FAM185A: variants seen among roughly 807,000 people sequenced by gnomAD.
FAM185A encodes the protein protein FAM185A.
Under a neutral mutation model 45.7 loss-of-function variants are expected in FAM185A, and 21 were observed. That is an observed-to-expected ratio of 0.46 (90% confidence interval 0.33 to 0.66). The LOEUF (loss-of-function observed/expected upper bound fraction) is 0.66. Among genes scored for constraint, FAM185A ranks in the 30% least tolerant of loss-of-function variants. The pLI is 0.03. For synonymous variants in FAM185A, 117 were observed against 194.0 expected, an observed-to-expected ratio of 0.60 and a Z score of 3.30; for missense variants, 305 against 485.4, an observed-to-expected ratio of 0.63 and a Z score of 3.49.
chr7:102,796,636 T>C (rs1253991362), intron 7 of FAM185A, among the ~76,000 whole-genome samples: 3 of 152,226 alleles, frequency 2.0e-5, no homozygotes, highest in African/African-American at 4.8e-5. Flanking sequence ...TTCTCAGTTA[T>C]GATTTTTGCA....
the FAM185A span, chr7:102,822,451 G>T: frequency 1.6e-6 from 1 of 622,860 alleles, no homozygotes; most frequent in East Asian, 3.4e-5. Context: ...CTTCTCACAT[G>T]GCAGAGAGAG....
the FAM185A span, among the ~76,000 whole-genome samples, chr7:102,834,947 A>G: frequency 6.6e-6 from 1 of 151,938 alleles, no homozygotes; most frequent in Non-Finnish European, 1.5e-5. Context: ...CTTCATAAAT[A>G]TATACAATTT....
At chr7:102,796,558 CA>C (rs1473617067) in intron 7 of FAM185A, among the ~76,000 whole-genome samples, 4 of 152,150 alleles carry the variant, frequency 2.6e-5, no homozygotes, top group Non-Finnish European at 4.4e-5. Context: ...TAGAAATGAA[CA>C]AGGACAGCTT....
chr7:102,834,084 A>AAGGAAGGAAGGAAG, the FAM185A span, among the ~76,000 whole-genome samples: 38 of 101,138 alleles, frequency 3.8e-4, 2 homozygotes, highest in South Asian at 1.3e-3. Context: ...AAGGAAGGAA[A>AAGGAAGGAAGGAAG]GAAAAGAAAG....
chr7:102,831,431 A>ACACCCCCCC, the FAM185A span, among the ~76,000 whole-genome samples: 7 of 147,236 alleles, frequency 4.8e-5, no homozygotes, highest in African/African-American at 1.5e-4. Flanking sequence ...ACACACACAC[A>ACACCCCCCC]CCCCACTACA....
the FAM185A span, among the ~76,000 whole-genome samples, chr7:102,834,432 T>TTA: frequency 7.6e-6 from 1 of 132,346 alleles, no homozygotes; most frequent in Non-Finnish European, 1.5e-5. Flanking sequence ...ATATGTGTGA[T>TTA]TATATATATT....
the FAM185A span, among the ~76,000 whole-genome samples, chr7:102,815,085 T>C: frequency 1.3e-5 from 2 of 152,104 alleles, no homozygotes; most frequent in African/African-American, 4.8e-5. Flanking sequence ...GCACCATCAG[T>C]TTCATGTAAC....
the FAM185A span, among the ~76,000 whole-genome samples, chr7:102,829,462 G>T: frequency 6.6e-6 from 1 of 152,138 alleles, no homozygotes; most frequent in Non-Finnish European, 1.5e-5. Flanking sequence ...TTTTGTCATT[G>T]TTCAGGGCTT....
chr7:102,849,753 T>C, the FAM185A span, among the ~76,000 whole-genome samples: 2 of 152,072 alleles, frequency 1.3e-5, no homozygotes, highest in African/African-American at 4.8e-5. Flanking sequence ...AGGGGAAAGA[T>C]TACCACATGC....
intron 7 of FAM185A, among the ~76,000 whole-genome samples, chr7:102,793,354 G>A (rs1796252273): frequency 6.6e-6 from 1 of 152,124 alleles, no homozygotes; most frequent in African/African-American, 2.4e-5. Flanking sequence ...TGGGACTACA[G>A]GCGCCCGCCA....
the FAM185A span, among the ~76,000 whole-genome samples, chr7:102,823,993 GACA>G: frequency 6.6e-6 from 1 of 152,070 alleles, no homozygotes; most frequent in African/African-American, 2.4e-5. Context: ...AGAAAGGAAG[GACA>G]ACAAGGTGAT....
chr7:102,798,187 CAG>C (rs201601003), intron 7 of FAM185A, among the ~76,000 whole-genome samples: 2,251 of 152,286 alleles, frequency 0.015, 23 homozygotes, highest in Middle Eastern at 0.031. Context: ...GTCAAAGAAA[CAG>C]TGTGTGATTT....
chr7:102,817,637 A>G, the FAM185A span, among the ~76,000 whole-genome samples: 3 of 152,162 alleles, frequency 2.0e-5, no homozygotes, highest in East Asian at 1.9e-4. Context: ...TGTAGAAACT[A>G]TATTTCTGGG....
At chr7:102,825,121 C>T in the FAM185A span, among the ~76,000 whole-genome samples, 1 of 152,114 alleles carries the variant, frequency 6.6e-6, no homozygotes, top group Non-Finnish European at 1.5e-5. Flanking sequence ...TAAATACAGT[C>T]TTTTCCAAGT....
At chr7:102,829,219 C>A in the FAM185A span, among the ~76,000 whole-genome samples, 1 of 152,210 alleles carries the variant, frequency 6.6e-6, no homozygotes, top group East Asian at 1.9e-4. Flanking sequence ...GGGAAACAGG[C>A]CCTCCAGGAA....
chr7:102,800,467 C>T (rs12113759), intron 7 of FAM185A, among the ~76,000 whole-genome samples: 34,633 of 151,928 alleles, frequency 0.23, 4,658 homozygotes, highest in African/African-American at 0.37. Context: ...CAGAGAAAGA[C>T]GAAGCCCAAT....
At chr7:102,800,508 T>A (rs1584361602) in intron 7 of FAM185A, among the ~76,000 whole-genome samples, 2 of 151,622 alleles carry the variant, frequency 1.3e-5, no homozygotes, top group East Asian at 1.9e-4. Flanking sequence ...GTACAATAAG[T>A]GAAGGGAGAA....
At chr7:102,754,062 G>A (rs1793532697) in intron 2 of FAM185A, among the ~76,000 whole-genome samples, 1 of 152,092 alleles carries the variant, frequency 6.6e-6, no homozygotes, top group East Asian at 1.9e-4. Flanking sequence ...TCACAAATGA[G>A]AACACTTTGG....
At position 102,749,043 on chromosome 7, in the gene FAM185A, T is replaced by G. The variant is rs1471665938; in HGVS notation, c.-165T>G. The G allele has an allele frequency of 2.8e-6, 3 of 1,085,780 alleles. No individual in the cohort carries two copies. The highest frequency in any genetic ancestry group is 1.4e-6 in the Non-Finnish European group (1 of 730,108). The allele number at this position is 1,085,780 out of a possible 1,614,324, so 67.3% of individuals were successfully genotyped here. ...TTGCCCCTGGGGATTGCGCGGCTGATGTTTAGAACGCCTAGTCAAGCCAAC... is the reference window on the plus strand; with the variant it reads ...TTGCCCCTGGGGATTGCGCGGCTGAGGTTTAGAACGCCTAGTCAAGCCAAC... On this transcript the variant is annotated 5_prime_UTR_variant, in exon 1 of 8. The change abolishes an upstream ATG in the 5' untranslated region. Coordinates refer to ENST00000413034, the MANE Select transcript of FAM185A (RefSeq NM_001145268.2).
Sources: gnomAD v4.1 joint callset for allele counts (sites outside exome capture counted in the v4.1 genomes callset) on GRCh38, gnomAD v4.1.1 for gene constraint, MANE v1.5 for transcripts, NCBI Gene and HGNC (gene_info 2026-07-23, HGNC 2026-07-21) for gene names.